The following POLR3A variants were observed in gnomAD, a reference collection of about 807,000 sequenced individuals.
POLR3A encodes RNA polymerase III subunit A.
In POLR3A, 112 loss-of-function variants were observed where a neutral mutation model predicts 152.8. The ratio of observed to expected loss-of-function variants is 0.73; its 90% CI spans 0.63 to 0.86. POLR3A has a LOEUF of 0.86. POLR3A is among the 40% of genes least tolerant of loss of function. The pLI is 0.00. For synonymous variants in POLR3A, 615 were observed against 652.1 expected, an observed-to-expected ratio of 0.94 and a Z score of 0.87; for missense variants, 1,385 against 1,743.1, an observed-to-expected ratio of 0.79 and a Z score of 3.66.
Position 78,000,080 on chromosome 10 carries a change from A to C in POLR3A, c.2517T>G (p.Tyr839Ter). 1 of 1,614,128 alleles carries C rather than the reference A, an allele frequency of 6.2e-7. No homozygotes were observed. Among genetic ancestry groups the C allele is most frequent in the Non-Finnish European group, 8.5e-7 (1 of 1,179,960 alleles). Residue 839 changes from tyrosine (Y) to a stop codon, truncating the protein, a stop_gained, in exon 19 of 31, where the codon TAT (tyrosine) becomes TAG (stop). Transcript: ENST00000372371. LOFTEE classifies it high-confidence loss of function. Reference protein sequence around the residue: ...AAKGFVANSFYSGLTPTEFFF... With the variant: ...AAKGFVANSF ...AAAACTCAGTTGGTGTCAAACCGGA[A>C]TAAAAGCTATTAGCCACAAAGCCTT...
At chr10:77,998,411 A>T (rs933033648) in intron 19 of POLR3A, among the ~76,000 whole-genome samples, 2 of 152,210 alleles carry the variant, frequency 1.3e-5, no homozygotes, top group African/African-American at 2.4e-5. Flanking sequence ...TCATCTGACA[A>T]AGGGCTAACA....
rs146725238 is a variant in POLR3A, at chr10:77,982,211, T to C, written c.3702A>G (p.Ala1234=). ...CCTTCACACCGTGTGTGGCCATGAC[T>C]GCCCGCAGGTTATCACCTTCCACCA... The part of the protein sequence containing the change: ...KLLVEGDNLR[A]VMATHGVKGT... The change falls in exon 28 of 31, where the codon GCA becomes GCG. Residue 1234 remains alanine (A), a synonymous_variant. Coordinates refer to ENST00000372371, the MANE Select transcript of POLR3A (RefSeq NM_007055.4). The C allele has an allele frequency of 6.2e-7, 1 of 1,614,008 alleles. No individual in the cohort carries two copies. Among genetic ancestry groups the C allele is most frequent in the African/African-American group, 1.3e-5 (1 of 74,902 alleles).
At chr10:77,989,442 C>T (rs1177713140) in intron 21 of POLR3A, among the ~76,000 whole-genome samples, 3 of 152,174 alleles carry the variant, frequency 2.0e-5, no homozygotes, top group Admixed American at 6.5e-5. Context: ...CTGAGCTCAT[C>T]GGATTGTGAG....
At chr10:77,986,023 C>A in intron 22 of POLR3A, 38 bp from the exon 23 acceptor site, 1 of 1,602,002 alleles carries the variant, frequency 6.2e-7, no homozygotes, top group Non-Finnish European at 8.6e-7. Context: ...TTAGGGCCAG[C>A]GGCAACTACA....
At chr10:78,003,358 A>T (rs959861396) in intron 16 of POLR3A, among the ~76,000 whole-genome samples, 2 of 152,220 alleles carry the variant, frequency 1.3e-5, no homozygotes, top group African/African-American at 2.4e-5. Flanking sequence ...ATGCTTAAAG[A>T]GCCTTTCTTC....
intron 20 of POLR3A, among the ~76,000 whole-genome samples, chr10:77,992,226 G>A (rs1031085445): frequency 5.9e-5 from 9 of 151,408 alleles, no homozygotes; most frequent in Admixed American, 6.6e-5. Context: ...GTTGGCATTT[G>A]ATTACTACCA....
intron 15 of POLR3A, among the ~76,000 whole-genome samples, chr10:78,006,509 CAGA>C (rs1457579279): frequency 1.4e-5 from 2 of 139,202 alleles, no homozygotes; most frequent in Non-Finnish European, 3.1e-5. Flanking sequence ...TAAAAATCAA[CAGA>C]AGTATTAAAA....
intron 21 of POLR3A, among the ~76,000 whole-genome samples, chr10:77,989,497 A>G (rs1170081917): frequency 1.3e-5 from 2 of 152,154 alleles, no homozygotes; most frequent in Non-Finnish European, 2.9e-5. Flanking sequence ...CATCCCCAGG[A>G]TCTGTGGACT....
In POLR3A at chr10:78,009,885, G is replaced by A. The variant is rs745704024; in HGVS notation, c.1749C>T (p.Leu583=). 5.6e-6 allele frequency: 9 copies of A among 1,613,878 alleles called. No individual in the cohort carries two copies. The African/African-American group carries it at 8.0e-5, about 14-fold the overall frequency. Residue 583 remains leucine, a synonymous_variant, in exon 13 of 31, where the codon CTC becomes CTT. Coordinates refer to ENST00000372371, the MANE Select transcript of POLR3A (RefSeq NM_007055.4). Reference sequence around the variant, plus strand: ...ACACCTTTAGGATTGTAGGCGGTGGGAGGCGAACTTTAATTTTCTCATCCT... The same window carrying A: ...ACACCTTTAGGATTGTAGGCGGTGGAAGGCGAACTTTAATTTTCTCATCCT... ...VGKDEKIKVR[L]PPPTILKPVT...
Position 77,977,272 on chromosome 10 carries a change from A to AGCAGCGTG in POLR3A, c.*198_*205dup, listed in dbSNP as rs1389458073. 9.6e-6 allele frequency: 6 copies of AGCAGCGTG among 624,132 alleles called. No individual in the cohort carries two copies. Among genetic ancestry groups the AGCAGCGTG allele is most frequent in the African/African-American group, 3.6e-5 (2 of 54,804 alleles). The allele number at this position is 624,132 out of a possible 1,614,324, so 38.7% of individuals were successfully genotyped here. A position where few individuals can be genotyped will look rare whatever the true frequency, so the allele number is the denominator to read the frequency against. On this transcript the variant is annotated 3_prime_UTR_variant, in exon 31 of 31. Coordinates refer to ENST00000372371, the MANE Select transcript of POLR3A (RefSeq NM_007055.4). ...AACAATAAAACCCTCAGCTCTCCCG[A>AGCAGCGTG]GCAGCGTGGCACAGTCAGGGTCACT... is the stretch of plus-strand genomic sequence containing the variant.
intron 30 of POLR3A, among the ~76,000 whole-genome samples, chr10:77,978,677 T>C (rs1847111954): frequency 6.6e-6 from 1 of 151,334 alleles, no homozygotes; most frequent in South Asian, 2.1e-4. Flanking sequence ...TTTTTTTTTT[T>C]TGAGACGGAG....
At chr10:78,023,312 T>G (rs1268904151) in intron 5 of POLR3A, among the ~76,000 whole-genome samples, 2 of 151,704 alleles carry the variant, frequency 1.3e-5, no homozygotes, top group East Asian at 3.9e-4. Flanking sequence ...GTACAAAAAT[T>G]AGCCGGGCAT....
At position 77,980,264 on chromosome 10, in the gene POLR3A, G is replaced by A. The variant is rs116326625; in HGVS notation, c.3901C>T (p.Leu1301=). 225 of 1,614,004 alleles carry A rather than the reference G, an allele frequency of 1.4e-4. 1 individual carries two copies. The African/African-American group carries it at 2.5e-3, about 18-fold the overall frequency. ...GCCAGGCCAAACCTAGTGATGCCCA[G>A]GACTTCACCCTGCGTCAAGGGAGAA... ...SDLMTYKGEV[L]GITRFGLAKM... is the part of the protein sequence containing the mutation. Residue 1301 remains leucine (L), a synonymous_variant, in exon 30 of 31, where the codon CTG becomes TTG. Transcript: ENST00000372371.
At chr10:78,020,462 C>G (rs937941906) in intron 8 of POLR3A, among the ~76,000 whole-genome samples, 31 of 151,630 alleles carry the variant, frequency 2.0e-4, no homozygotes, top group Non-Finnish European at 3.8e-4. Flanking sequence ...TGCACTTCGG[C>G]CTGGGTGACA....
At position 78,010,539 on chromosome 10, in the gene POLR3A, G is replaced by C; in HGVS notation, c.1574C>G (p.Thr525Ser). ...AKAEALVLMG[T>S]KANLVTPRNG... ...CCTCGGGGTTACAAGATTTGCTTTA[G>C]TCTGTAGGAAAAGTAAGCGCAGTCA... The change falls in exon 12 of 31, where the codon ACT becomes AGT. Residue 525 changes from threonine to serine, a missense_variant and splice_region_variant. This residue lies in a region of POLR3A where 188 missense variants were observed against 179.9 expected (regional missense o/e 1.04). Transcript: ENST00000372371. 1.2e-6 allele frequency: 2 copies of C among 1,613,320 alleles called. No homozygotes were observed. The highest frequency in any genetic ancestry group is 1.7e-6 in the Non-Finnish European group (2 of 1,179,242).
intron 15 of POLR3A, among the ~76,000 whole-genome samples, chr10:78,006,485 C>T (rs10824589): frequency 0.088 from 12,711 of 143,972 alleles, 1,712 homozygotes; most frequent in African/African-American, 0.3. Context: ...AAATACATGA[C>T]AGTGATAAAA....
In POLR3A at chr10:78,029,495, A is replaced by G; in HGVS notation, c.-88T>C. On this transcript the variant is annotated 5_prime_UTR_variant, in exon 1 of 31. Coordinates refer to ENST00000372371, the MANE Select transcript of POLR3A (RefSeq NM_007055.4). ...CAGCACCTCCTGGGGCTGCTTCTGGACTCGCCGCTAACACATCTGCGGCAT... is the reference window on the plus strand; with the variant it reads ...CAGCACCTCCTGGGGCTGCTTCTGGGCTCGCCGCTAACACATCTGCGGCAT... 1.5e-6 allele frequency: 2 copies of G among 1,361,876 alleles called. No individual in the cohort carries two copies. Among genetic ancestry groups the G allele is most frequent in the Middle Eastern group, 3.6e-4 (2 of 5,618 alleles). The allele number at this position is 1,361,876 out of a possible 1,614,324, so 84.4% of individuals were successfully genotyped here.
Position 78,026,088 on chromosome 10 carries a change from C to T in POLR3A, c.180+6G>A. 1 of 1,613,980 alleles carries T rather than the reference C, an allele frequency of 6.2e-7. No homozygotes were observed. The highest frequency in any genetic ancestry group is 8.5e-7 in the Non-Finnish European group (1 of 1,179,924). ...ACAGTTACCAGGAGGGGTGAGGGGG[C>T]CTTACCATCCTATGGTCGAGCACCC... On this transcript the variant is annotated splice_donor_region_variant and intron_variant, in intron 2 of 30. Coordinates refer to ENST00000372371, the MANE Select transcript of POLR3A (RefSeq NM_007055.4).
intron 18 of POLR3A, 132 bp from the exon 19 acceptor site, chr10:78,000,250 C>T (rs1211728046): frequency 5.0e-6 from 4 of 792,430 alleles, no homozygotes; most frequent in East Asian, 2.7e-5. Context: ...CACTAAATGG[C>T]AGGCTTTCTT....
Sources: gnomAD v4.1 joint callset for allele counts (sites outside exome capture counted in the v4.1 genomes callset) on GRCh38, gnomAD v4.1.1 for gene constraint, gnomAD v4.1.1 regional missense constraint, MANE v1.5 for transcripts, NCBI Gene and HGNC (gene_info 2026-07-23, HGNC 2026-07-21) for gene names.